Variants in PPP4R1 observed in about 807,000 individuals in gnomAD.
PPP4R1 encodes serine/threonine-protein phosphatase 4 regulatory subunit 1.
In PPP4R1, 42 loss-of-function variants were observed where a neutral mutation model predicts 111.2. The ratio of observed to expected loss-of-function variants is 0.38; its 90% CI spans 0.29 to 0.49. The LOEUF is 0.49. Among genes scored for constraint, PPP4R1 ranks in the 20% least tolerant of loss-of-function variants. The probability of loss-of-function intolerance (pLI) is 0.97; values close to 1 mark genes in which losing one functional copy is unlikely to be tolerated. For missense variants in PPP4R1, 1,012 were observed against 1,161.6 expected, an observed-to-expected ratio of 0.87 and a Z score of 1.87; for synonymous variants, 409 against 405.5, an observed-to-expected ratio of 1.01 and a Z score of -0.10.
intron 10 of PPP4R1, among the ~76,000 whole-genome samples, chr18:9,573,497 TATA>T (rs1179248356): frequency 6.6e-6 from 1 of 152,228 alleles, no homozygotes; most frequent in Non-Finnish European, 1.5e-5. Context: ...ATTTTAAAAT[TATA>T]ATAAGATATT....
intron 19 of PPP4R1, among the ~76,000 whole-genome samples, chr18:9,548,418 C>T (rs1316516626): frequency 6.8e-6 from 1 of 147,742 alleles, no homozygotes; most frequent in Non-Finnish European, 1.5e-5. Context: ...GCGGGGGGGT[C>T]GATTAAAATA....
chr18:9,551,370 G>A (rs58685029), intron 16 of PPP4R1: 3,630 of 152,388 alleles, frequency 0.024, 154 homozygotes, highest in African/African-American at 0.083. Context: ...AGGGCAGGGA[G>A]AAATCAGCTC....
At chr18:9,600,611 C>T (rs113913389) in intron 2 of PPP4R1, among the ~76,000 whole-genome samples, 5 of 152,188 alleles carry the variant, frequency 3.3e-5, no homozygotes, top group Non-Finnish European at 7.3e-5. Flanking sequence ...TGGTGGCTCA[C>T]GCCAATAATC....
At chr18:9,559,625 A>T (rs772720212) in intron 13 of PPP4R1, 21 bp from the exon 14 acceptor site, 1 of 1,532,498 alleles carries the variant, frequency 6.5e-7, no homozygotes, top group Non-Finnish European at 8.9e-7. Context: ...AAGAGAAACC[A>T]CAGTGACTGA....
At chr18:9,586,133 G>A (rs2067112775) in intron 6 of PPP4R1, among the ~76,000 whole-genome samples, 2 of 151,422 alleles carry the variant, frequency 1.3e-5, no homozygotes, top group African/African-American at 4.8e-5. Flanking sequence ...TTTTTATTAA[G>A]AAATTAATTT....
chr18:9,583,122 G>A lies in PPP4R1; in HGVS notation c.913C>T (p.Arg305Cys), dbSNP rs761658072. The change falls in exon 9 of 20, where the codon CGT (arginine) becomes TGT (cysteine). Residue 305 changes from arginine (R) to cysteine (C), a missense_variant. Transcript: ENST00000400556. The stretch of plus-strand genomic sequence containing the variant: ...AGTGATAATCAAAACCCTACCCAAC[G>A]TGAAGGATCACTGATCAAATTAATA... ...LFINLISDPS[R>C]WVRQAAFQSL... 19 of 1,605,450 alleles carry A rather than the reference G, an allele frequency of 1.2e-5. No individual in the cohort carries two copies. The highest frequency in any genetic ancestry group is 1.7e-6 in the Non-Finnish European group (2 of 1,174,446).
intron 16 of PPP4R1, among the ~76,000 whole-genome samples, chr18:9,552,598 A>G (rs2066506827): frequency 1.3e-5 from 2 of 152,248 alleles, no homozygotes; most frequent in Non-Finnish European, 2.9e-5. Flanking sequence ...CTGTTGTGGA[A>G]AAGTTTTGGC....
At chr18:9,556,384 G>C (rs982287141) in intron 15 of PPP4R1, among the ~76,000 whole-genome samples, 12 of 151,816 alleles carry the variant, frequency 7.9e-5, no homozygotes, top group African/African-American at 2.9e-4. Flanking sequence ...GTAAAGACAA[G>C]GTTTCACCAT....
At chr18:9,555,261 C>T (rs1417518316) in intron 15 of PPP4R1, among the ~76,000 whole-genome samples, 1 of 152,014 alleles carries the variant, frequency 6.6e-6, no homozygotes, top group African/African-American at 2.4e-5. Context: ...ATGATTGCAT[C>T]ATTACACTCC....
At chr18:9,557,193 T>C (rs372530299) in intron 15 of PPP4R1, 28 bp downstream of exon 15, 141 of 1,547,770 alleles carry the variant, frequency 9.1e-5, no homozygotes, top group East Asian at 1.4e-4. Context: ...TTTTGTTGTG[T>C]TTTTATGCAA....
At chr18:9,608,397 A>G (rs570163818) in intron 2 of PPP4R1, among the ~76,000 whole-genome samples, 9 of 152,350 alleles carry the variant, frequency 5.9e-5, no homozygotes, top group African/African-American at 2.2e-4. Flanking sequence ...TGACTGCATG[A>G]TAGATGCTCA....
chr18:9,615,217 A>G (rs566175065), upstream of PPP4R1: 13 of 152,370 alleles, frequency 8.5e-5, no homozygotes, highest in African/African-American at 2.9e-4. Flanking sequence ...AGCACGGTGA[A>G]GGCTGGGGCG....
intron 16 of PPP4R1, 95 bp from the exon 17 acceptor site, chr18:9,550,493 T>C: frequency 4.4e-6 from 6 of 1,364,722 alleles, no homozygotes; most frequent in Non-Finnish European, 6.0e-6. Flanking sequence ...ACTGGATTAC[T>C]GAGCACCTGT....
chr18:9,555,933 A>G (rs66751485), intron 15 of PPP4R1, among the ~76,000 whole-genome samples: 28,844 of 151,458 alleles, frequency 0.19, 3,630 homozygotes, highest in Non-Finnish European at 0.27. Flanking sequence ...TCAGGAGATC[A>G]AGACCATCCT....
chr18:9,562,572 TAGTC>T (rs1394096776), intron 12 of PPP4R1, among the ~76,000 whole-genome samples: 4 of 152,274 alleles, frequency 2.6e-5, no homozygotes, highest in East Asian at 3.9e-4. Flanking sequence ...CTCCAATAAA[TAGTC>T]AGGGCTTCAA....
At chr18:9,549,432 A>G in intron 18 of PPP4R1, 94 bp from the exon 19 acceptor site, 1 of 1,460,388 alleles carries the variant, frequency 6.8e-7, no homozygotes, top group Admixed American at 2.1e-5. Flanking sequence ...CCACAGGTAC[A>G]AATTTTAGTT....
At chr18:9,592,495 T>G (rs2067227416) in intron 4 of PPP4R1, among the ~76,000 whole-genome samples, 1 of 152,256 alleles carries the variant, frequency 6.6e-6, no homozygotes, top group African/African-American at 2.4e-5. Context: ...ACTAAACTGT[T>G]AACTTGATGA....
intron 2 of PPP4R1, among the ~76,000 whole-genome samples, chr18:9,598,223 C>T (rs550406830): frequency 6.6e-6 from 1 of 151,926 alleles, no homozygotes; most frequent in South Asian, 2.1e-4. Context: ...AAATGGAGTC[C>T]CCAAAGAAGA....
chr18:9,563,625 C>T, intron 11 of PPP4R1, 75 bp from the exon 12 acceptor site: 1 of 1,325,616 alleles, frequency 7.5e-7, no homozygotes, highest in Non-Finnish European at 1.0e-6. Flanking sequence ...TCTCCATTTG[C>T]ACTGTACGTT....
Sources: gnomAD v4.1 joint callset for allele counts (sites outside exome capture counted in the v4.1 genomes callset) on GRCh38, gnomAD v4.1.1 for gene constraint, MANE v1.5 for transcripts, NCBI Gene and HGNC (gene_info 2026-07-23, HGNC 2026-07-21) for gene names.